INSR: variants seen among roughly 807,000 people sequenced by gnomAD.
INSR encodes the protein IR.
Under a neutral mutation model 142.6 loss-of-function variants are expected in INSR, and 67 were observed. That is an observed-to-expected ratio of 0.47 (90% CI 0.39 to 0.58). The LOEUF is 0.58. Among genes scored for constraint, INSR ranks in the 20% least tolerant of loss-of-function variants. INSR has a pLI of 0.00. For missense variants in INSR, 1,248 were observed against 1,833.2 expected (o/e 0.68, Z 5.83); for synonymous variants, 756 against 743.1 (o/e 1.02, Z -0.28).
At chr19:7,224,406 CAG>C (rs747298139) in intron 2 of INSR, among the ~76,000 whole-genome samples, 2 of 152,084 alleles carry the variant, frequency 1.3e-5, no homozygotes, top group South Asian at 2.1e-4. Flanking sequence ...AGAGCACAAA[CAG>C]AGGCGTGCAG....
intron 19 of INSR, among the ~76,000 whole-genome samples, chr19:7,121,052 C>T (rs1041203326): frequency 1.3e-5 from 2 of 151,868 alleles, no homozygotes; most frequent in African/African-American, 4.8e-5. Flanking sequence ...GGCTGGAGTG[C>T]AGTGGTGCAA....
intron 2 of INSR, among the ~76,000 whole-genome samples, chr19:7,239,643 A>C (rs1976279110): frequency 6.6e-6 from 1 of 152,184 alleles, no homozygotes; most frequent in Non-Finnish European, 1.5e-5. Context: ...GATGGACACC[A>C]AGATGTTCAT....
chr19:7,158,373 C>A (rs371009780), intron 9 of INSR, among the ~76,000 whole-genome samples: 3 of 152,020 alleles, frequency 2.0e-5, no homozygotes, highest in Non-Finnish European at 4.4e-5. Flanking sequence ...TGGTGGCGGG[C>A]GCCTGTAGTC....
chr19:7,167,442 G>A (rs1973913121), intron 7 of INSR, among the ~76,000 whole-genome samples: 1 of 151,984 alleles, frequency 6.6e-6, no homozygotes, highest in Admixed American at 6.6e-5. Context: ...TACGTGTGAT[G>A]GTGTATGCCC....
intron 2 of INSR, among the ~76,000 whole-genome samples, chr19:7,253,126 G>A (rs1367330419): frequency 2.9e-5 from 4 of 139,476 alleles, no homozygotes; most frequent in East Asian, 2.4e-4. Context: ...AAAAAAAATA[G>A]AAGAAGCCAC....
rs748862314 is a variant in INSR at position 7,163,925 on chromosome 19, T to TAAAAAAAAAAAAA, written c.1862-739_1862-727dup. The stretch of plus-strand genomic sequence containing the variant: ...CAACATGGTGAAACCCTATCTCTAC[T>TAAAAAAAAAAAAA]AAAAAAAAAAAAAAAAAAAAAAAAT... On this transcript the variant is annotated intron_variant, in intron 8 of 21. Coordinates refer to ENST00000302850, the MANE Select transcript of INSR (RefSeq NM_000208.4). 8.9e-3 allele frequency among the ~76,000 whole-genome samples: 397 copies of TAAAAAAAAAAAAA among 44,558 alleles called. 33 individuals carry two copies. The highest frequency in any genetic ancestry group is 0.037 in the African/African-American group (316 of 8,604). 29.2% of individuals were successfully genotyped at this position (44,558 alleles called of 152,430 possible).
chr19:7,120,023 C>A (rs1253959687), intron 20 of INSR, among the ~76,000 whole-genome samples: 1 of 152,210 alleles, frequency 6.6e-6, no homozygotes, highest in Non-Finnish European at 1.5e-5. Flanking sequence ...GCTCCCAAAT[C>A]ACTAAACTCA....
In INSR at chr19:7,208,384, G is replaced by T. The variant is rs1975176321; in HGVS notation, c.653-23747C>A. Among the ~76,000 whole-genome samples the T allele has an allele frequency of 2.6e-5, 4 of 151,784 alleles. 1 individual carries two copies. The highest frequency in any genetic ancestry group is 1.3e-4 in the Admixed American group (2 of 15,210). On this transcript the variant is annotated intron_variant, in intron 2 of 21. Coordinates refer to ENST00000302850, the MANE Select transcript of INSR (RefSeq NM_000208.4). ...GTATTATTCACAAAGAGTTCTACAGGATACAAAGATAAAATTTAATGTACT... is the reference window on the plus strand; with the variant it reads ...GTATTATTCACAAAGAGTTCTACAGTATACAAAGATAAAATTTAATGTACT...
rs1158544237 is a variant in INSR at position 7,292,472 on chromosome 19, G to GGGC, written c.100+1319_100+1320insGCC. Among the ~76,000 whole-genome samples the GGGC allele has an allele frequency of 2.0e-4, 29 of 147,558 alleles. No individual in the cohort carries two copies. The East Asian group carries it at 5.1e-3, about 26-fold the overall frequency. On this transcript the variant is annotated intron_variant, in intron 1 of 21. Coordinates refer to ENST00000302850, the MANE Select transcript of INSR (RefSeq NM_000208.4). ...TCCCAGGCACCTGGGGGCGGGGCTG[G>GGGC]GGGGGGGTGGGCCCGGGGCTTTTAG...
intron 2 of INSR, among the ~76,000 whole-genome samples, chr19:7,190,692 G>A (rs773349057): frequency 1.4e-4 from 21 of 152,026 alleles, no homozygotes; most frequent in Admixed American, 5.9e-4. Flanking sequence ...ACTATCCTTC[G>A]AACACTATAA....
rs11343255 is a variant in INSR at position 7,213,341 on chromosome 19, C to CAAA, written c.653-28707_653-28705dup. On this transcript the variant is annotated intron_variant, in intron 2 of 21. Transcript: ENST00000302850. ...CCTGGGCTACAGAGCGACTCCATCT[C>CAAA]AAAAAAAAAAAAAAAAAACAAACAA... 8.9e-3 allele frequency among the ~76,000 whole-genome samples: 890 copies of CAAA among 100,466 alleles called. 21 individuals are homozygous for CAAA. The highest frequency in any genetic ancestry group is 0.012 in the Non-Finnish European group (615 of 50,718). The allele number at this position is 100,466 out of a possible 152,430, so 65.9% of individuals were successfully genotyped here.
At chr19:7,201,922 A>G (rs1423865642) in intron 2 of INSR, among the ~76,000 whole-genome samples, 1 of 151,914 alleles carries the variant, frequency 6.6e-6, no homozygotes, top group African/African-American at 2.4e-5. Flanking sequence ...CGGCCTCCCA[A>G]AGTGTTGGGA....
intron 8 of INSR, among the ~76,000 whole-genome samples, chr19:7,163,964 T>C (rs918131018): frequency 2.7e-5 from 3 of 109,896 alleles, no homozygotes; most frequent in South Asian, 2.9e-4. Context: ...CTGGACATGG[T>C]GGTGGGCGCC....
intron 10 of INSR, among the ~76,000 whole-genome samples, chr19:7,151,168 C>CCTTTCT (rs1973339804): frequency 0.072 from 461 of 6,412 alleles, 4 homozygotes; most frequent in Middle Eastern, 0.25. Flanking sequence ...CTTTCTCTTT[C>CCTTTCT]TTTCTTTCTT....
At chr19:7,191,820 C>T (rs1974595599) in intron 2 of INSR, among the ~76,000 whole-genome samples, 2 of 145,682 alleles carry the variant, frequency 1.4e-5, no homozygotes, top group Admixed American at 1.4e-4. Context: ...TAAAGCAAGA[C>T]CCTATCTTTA....
rs1306708629 is a variant in INSR at position 7,113,945 on chromosome 19, G to T, written c.*3111C>A. 1 of 150,276 alleles carries T rather than the reference G, an allele frequency of 6.7e-6. No individual in the cohort carries two copies. The highest frequency in any genetic ancestry group is 1.5e-5 in the Non-Finnish European group (1 of 67,916). 9.3% of individuals were successfully genotyped at this position (150,276 alleles called of 1,614,324 possible). A position where few individuals can be genotyped will look rare whatever the true frequency, so the allele number is the denominator to read the frequency against. On this transcript the variant is annotated 3_prime_UTR_variant, in exon 22 of 22. Coordinates refer to ENST00000302850, the MANE Select transcript of INSR (RefSeq NM_000208.4). ...GAGCAGCAAGATTTGGGCCCCACTGGTCCTGCCTAGACTCTCACATGGGTT... is the reference window on the plus strand; with the variant it reads ...GAGCAGCAAGATTTGGGCCCCACTGTTCCTGCCTAGACTCTCACATGGGTT...
Position 7,267,456 on chromosome 19 carries a change from C to T in INSR, c.541G>A (p.Glu181Lys), listed in dbSNP as rs1188129008. 1.2e-6 allele frequency: 2 copies of T among 1,614,142 alleles called. No individual in the cohort carries two copies. The highest frequency in any genetic ancestry group is 1.3e-5 in the African/African-American group (1 of 75,028). ...GTACCCGGACAGATGTCTCCACACT[C>T]CTCGTTGTCATCTTTGTTCAACACG... ...YIVLNKDDNE[E>K]CGDICPGTAK... The change falls in exon 2 of 22, where the codon GAG becomes AAG. Residue 181 changes from glutamate (E) to lysine (K), a missense_variant. Physicochemically the swap from Glu to Lys is moderately conservative, Grantham distance 56 (BLOSUM62 1). Coordinates refer to ENST00000302850, the MANE Select transcript of INSR (RefSeq NM_000208.4). The surrounding 1 kb of genome is among the most constrained non-coding windows in gnomAD (Gnocchi z 6.3).
chr19:7,175,998 C>A (rs1222236484), intron 3 of INSR, among the ~76,000 whole-genome samples: 2 of 152,144 alleles, frequency 1.3e-5, no homozygotes, highest in Admixed American at 1.3e-4. Context: ...TCATATTTTA[C>A]CCCAAAGTGA....
intron 8 of INSR, among the ~76,000 whole-genome samples, chr19:7,165,274 G>A (rs1255704116): frequency 1.3e-5 from 2 of 152,034 alleles, no homozygotes; most frequent in Non-Finnish European, 2.9e-5. Flanking sequence ...CTGGGTGACA[G>A]AGTGAGACTC....
Sources: allele counts gnomAD v4.1 joint callset (sites outside exome capture counted in the v4.1 genomes callset), GRCh38; gene constraint gnomAD v4.1.1; non-coding constraint Gnocchi (gnomAD v3.1); transcripts MANE v1.5; gene names NCBI Gene and HGNC (gene_info 2026-07-23, HGNC 2026-07-21).